The following IMMP1L variants were observed in gnomAD, a reference collection of about 807,000 sequenced individuals.
The protein encoded by IMMP1L is inner mitochondrial membrane peptidase subunit 1.
IMMP1L carries 24 observed loss-of-function variants against 21.8 expected under a neutral mutation model. That is an observed-to-expected ratio of 1.10 (90% CI 0.80 to 1.55). IMMP1L has a LOEUF of 1.55. Ranked by LOEUF, IMMP1L falls within the 40% of genes most tolerant of loss-of-function variation. The pLI, the probability that IMMP1L is intolerant of heterozygous loss-of-function variation, is 0.00. For synonymous variants in IMMP1L, 46 were observed against 62.8 expected, an observed-to-expected ratio of 0.73 and a Z score of 1.26; for missense variants, 195 against 200.7, an observed-to-expected ratio of 0.97 and a Z score of 0.17.
intron 1 of IMMP1L, among the ~76,000 whole-genome samples, chr11:31,485,817 T>C (rs1262992627): frequency 6.6e-6 from 1 of 151,838 alleles, no homozygotes; most frequent in Non-Finnish European, 1.5e-5. Context: ...AGCATAGAAT[T>C]CCGAGGAAAT....
intron 1 of IMMP1L, among the ~76,000 whole-genome samples, chr11:31,498,048 T>C (rs1490440077): frequency 6.6e-6 from 1 of 152,198 alleles, no homozygotes; most frequent in Non-Finnish European, 1.5e-5. Flanking sequence ...TCGTCATGTA[T>C]GATGATAATC....
At chr11:31,446,608 T>A (rs922919628) in intron 4 of IMMP1L, among the ~76,000 whole-genome samples, 3 of 152,180 alleles carry the variant, frequency 2.0e-5, no homozygotes, top group African/African-American at 7.2e-5. Context: ...CTACTACATG[T>A]GCCATACACT....
intron 1 of IMMP1L, among the ~76,000 whole-genome samples, chr11:31,489,982 A>C (rs889118055): frequency 2.0e-5 from 3 of 152,184 alleles, no homozygotes; most frequent in African/African-American, 7.2e-5. Context: ...TTCGATCTTG[A>C]AACACGCAAA....
chr11:31,498,908 T>C (rs1219510527), intron 1 of IMMP1L, among the ~76,000 whole-genome samples: 1 of 152,186 alleles, frequency 6.6e-6, no homozygotes, highest in Non-Finnish European at 1.5e-5. Flanking sequence ...TTAATATAAT[T>C]AATCACCAAT....
At chr11:31,499,790 C>T (rs1955559489) in intron 1 of IMMP1L, among the ~76,000 whole-genome samples, 1 of 151,932 alleles carries the variant, frequency 6.6e-6, no homozygotes, top group Admixed American at 6.6e-5. Context: ...ACCCGCAAAA[C>T]CTAAAATATT....
rs2133670739 is a variant in IMMP1L, at chr11:31,463,256, C to T, written c.21G>A (p.Gly7=). The T allele has an allele frequency of 1.9e-6, 3 of 1,612,358 alleles. No individual in the cohort carries two copies. The highest frequency in any genetic ancestry group is 2.2e-5 in the East Asian group (1 of 44,744). MLRGVL[G]KTFRLVGYTI... ...TATAGCCAACAAGTCGAAAGGTTTT[C>T]CCCAGAACACCACGAAGCATAGTTC... Residue 7 remains glycine (G), a synonymous_variant, in exon 2 of 6, where the codon GGG becomes GGA. Coordinates refer to ENST00000532287, the MANE Select transcript of IMMP1L (RefSeq NM_001304274.2).
Position 31,456,440 on chromosome 11 carries a change from T to C in IMMP1L, c.195-54A>G, listed in dbSNP as rs1953940494. The C allele has an allele frequency of 5.1e-6, 7 of 1,365,032 alleles. No individual in the cohort carries two copies. The Admixed American group carries it at 5.2e-5, about 10-fold the overall frequency. The allele number at this position is 1,365,032 out of a possible 1,614,324, so 84.6% of individuals were successfully genotyped here. A position where few individuals can be genotyped will look rare whatever the true frequency, so the allele number is the denominator to read the frequency against. On this transcript the variant is annotated intron_variant, in intron 3 of 5. Transcript: ENST00000532287. ...GTATTATTTATTAAGCAAAAACACA[T>C]GCATGGCACTGCTTTAATACTTTTA... is the stretch of plus-strand genomic sequence containing the variant.
intron 1 of IMMP1L, among the ~76,000 whole-genome samples, chr11:31,479,217 C>G (rs1342540910): frequency 1.3e-5 from 2 of 151,974 alleles, no homozygotes; most frequent in Non-Finnish European, 2.9e-5. Flanking sequence ...GCTTACTTGA[C>G]AAGTTTGATT....
chr11:31,486,243 A>G lies in IMMP1L; in HGVS notation c.-29-22938T>C, dbSNP rs375723189. 9.0e-4 allele frequency among the ~76,000 whole-genome samples: 137 copies of G among 152,020 alleles called. 2 individuals are homozygous for G. The South Asian group carries it at 0.011, about 12-fold the overall frequency. The stretch of plus-strand genomic sequence containing the variant: ...CATTTTACTTTAAGTTGTAACTGCC[A>G]AAGTAGATAGGTTAGTCTGGCTTCT... On this transcript the variant is annotated intron_variant, in intron 1 of 5. Coordinates refer to ENST00000532287, the MANE Select transcript of IMMP1L (RefSeq NM_001304274.2).
At chr11:31,471,271 A>G (rs1954541549) in intron 1 of IMMP1L, among the ~76,000 whole-genome samples, 1 of 152,182 alleles carries the variant, frequency 6.6e-6, no homozygotes, top group Admixed American at 6.5e-5. Flanking sequence ...CCAGTGAGAA[A>G]CCTGTTTGGA....
At chr11:31,436,813 A>G (rs746694376) in intron 4 of IMMP1L, among the ~76,000 whole-genome samples, 2 of 152,206 alleles carry the variant, frequency 1.3e-5, no homozygotes, top group Non-Finnish European at 2.9e-5. Flanking sequence ...GGAGCCTTTC[A>G]TTTGATACTT....
At chr11:31,471,803 T>G (rs1297440754) in intron 1 of IMMP1L, among the ~76,000 whole-genome samples, 1 of 152,200 alleles carries the variant, frequency 6.6e-6, no homozygotes, top group Non-Finnish European at 1.5e-5. Flanking sequence ...GCCAACAAAT[T>G]ACCATAAACT....
At chr11:31,432,887 C>A (rs560637187) in intron 5 of IMMP1L, among the ~76,000 whole-genome samples, 2 of 152,252 alleles carry the variant, frequency 1.3e-5, no homozygotes, top group South Asian at 4.1e-4. Context: ...TGTGTACTTT[C>A]AACCAAAGGG....
chr11:31,483,018 A>G (rs905568721), intron 1 of IMMP1L, among the ~76,000 whole-genome samples: 1 of 152,054 alleles, frequency 6.6e-6, no homozygotes, highest in African/African-American at 2.4e-5. Flanking sequence ...ATATAGATAA[A>G]TCTTAAGACA....
intron 1 of IMMP1L, among the ~76,000 whole-genome samples, chr11:31,478,136 A>C (rs1311684620): frequency 6.6e-6 from 1 of 152,230 alleles, no homozygotes; most frequent in Non-Finnish European, 1.5e-5. Flanking sequence ...TAATAAGATT[A>C]CACAGCAAGT....
At chr11:31,483,891 T>A (rs1006659844) in intron 1 of IMMP1L, among the ~76,000 whole-genome samples, 1 of 151,934 alleles carries the variant, frequency 6.6e-6, no homozygotes, top group Non-Finnish European at 1.5e-5. Flanking sequence ...ACATCTCATA[T>A]CTCCCAATTA....
intron 1 of IMMP1L, among the ~76,000 whole-genome samples, chr11:31,468,404 T>C (rs746008694): frequency 6.6e-6 from 1 of 152,154 alleles, no homozygotes; most frequent in Non-Finnish European, 1.5e-5. Flanking sequence ...CACATATATA[T>C]ACACACATAC....
At chr11:31,502,620 G>A (rs145146469) in intron 1 of IMMP1L, among the ~76,000 whole-genome samples, 45 of 152,248 alleles carry the variant, frequency 3.0e-4, no homozygotes, top group Non-Finnish European at 5.6e-4. Flanking sequence ...AAACCGAAGG[G>A]AAATTGATCA....
chr11:31,494,192 T>TA (rs1955351832), intron 1 of IMMP1L, among the ~76,000 whole-genome samples: 1 of 152,266 alleles, frequency 6.6e-6, no homozygotes, highest in Non-Finnish European at 1.5e-5. Flanking sequence ...TGCAGCAGAC[T>TA]TCTGCCTGGT....
Sources: allele counts gnomAD v4.1 joint callset (sites outside exome capture counted in the v4.1 genomes callset), GRCh38; gene constraint gnomAD v4.1.1; transcripts MANE v1.5; gene names NCBI Gene and HGNC (gene_info 2026-07-23, HGNC 2026-07-21).